The following ULK4 variants were observed in gnomAD, a reference collection of about 807,000 sequenced individuals.
ULK4 encodes the protein inactive serine/threonine-protein kinase ULK4.
A neutral mutation model predicts 160.6 loss-of-function variants in ULK4; 133 were observed. That is an observed-to-expected ratio of 0.83 (90% CI 0.72 to 0.96). The LOEUF (loss-of-function observed/expected upper bound fraction) is 0.96. ULK4 is among the 40% of genes least tolerant of loss of function. The pLI is 0.00. For missense variants in ULK4, 1,580 were observed against 1,499.5 expected, an observed-to-expected ratio of 1.05 and a Z score of -0.89; for synonymous variants, 534 against 539.8, an observed-to-expected ratio of 0.99 and a Z score of 0.15.
Position 41,608,006 on chromosome 3 carries a change from A to G in ULK4, c.3120+7663T>C, listed in dbSNP as rs372505556. ...GAGACCACCACATGCTATGTTAGAC[A>G]TTTCTGTGTTGTTTAAACCCTTTAC... On this transcript the variant is annotated intron_variant, in intron 31 of 36. Coordinates refer to ENST00000301831, the MANE Select transcript of ULK4 (RefSeq NM_017886.4). 8.5e-5 allele frequency among the ~76,000 whole-genome samples: 13 copies of G among 152,318 alleles called. No individual in the cohort carries two copies. In the East Asian group the frequency reaches 2.3e-3, roughly 27 times the overall value.
intron 25 of ULK4, among the ~76,000 whole-genome samples, chr3:41,707,220 C>T (rs2036933517): frequency 6.6e-6 from 1 of 151,934 alleles, no homozygotes; most frequent in African/African-American, 2.4e-5. Flanking sequence ...AGAAGAGTAA[C>T]CATTAAAATG....
chr3:41,825,966 A>G (rs576785331), intron 18 of ULK4, among the ~76,000 whole-genome samples: 1 of 152,344 alleles, frequency 6.6e-6, no homozygotes, highest in African/African-American at 2.4e-5. Context: ...ATCTCTTCGC[A>G]AAAACTCTAC....
At chr3:41,782,881 A>G (rs114167131) in intron 21 of ULK4, among the ~76,000 whole-genome samples, 1,548 of 152,330 alleles carry the variant, frequency 0.01, 17 homozygotes, top group Middle Eastern at 0.02. Flanking sequence ...ATGAATTGCA[A>G]TACCTTTAAA....
rs888151866 is a variant in ULK4, at chr3:41,524,222, G to T, written c.3226+41803C>A. Among the ~76,000 whole-genome samples, 3 of 152,224 alleles carry T rather than the reference G, an allele frequency of 2.0e-5. No individual in the cohort carries two copies. In the South Asian group the frequency reaches 6.2e-4, roughly 32 times the overall value. On this transcript the variant is annotated intron_variant, in intron 32 of 36. Transcript: ENST00000301831. ...TGTCATGAATACACTAAAAACCACT[G>T]AATTATACACTCTAAATGGGTGAAC...
At chr3:41,481,528 A>T (rs1157258574) in intron 32 of ULK4, among the ~76,000 whole-genome samples, 1 of 152,220 alleles carries the variant, frequency 6.6e-6, no homozygotes, top group Admixed American at 6.5e-5. Flanking sequence ...CCACTGTCTT[A>T]AGAACAAAAG....
intron 19 of ULK4, among the ~76,000 whole-genome samples, chr3:41,810,592 A>T (rs1458321522): frequency 1.3e-5 from 2 of 152,184 alleles, no homozygotes; most frequent in African/African-American, 2.4e-5. Context: ...AAGCAGGAGG[A>T]TCGCTTGAGC....
intron 21 of ULK4, among the ~76,000 whole-genome samples, chr3:41,767,462 T>C (rs554927974): frequency 4.6e-5 from 7 of 152,228 alleles, no homozygotes; most frequent in Non-Finnish European, 8.8e-5. Context: ...CTAAGTTCAA[T>C]TAATCTGAAT....
At chr3:41,761,502 G>A (rs1241049585) in intron 21 of ULK4, among the ~76,000 whole-genome samples, 1 of 151,278 alleles carries the variant, frequency 6.6e-6, no homozygotes, top group Non-Finnish European at 1.5e-5. Flanking sequence ...CCTTTCTAAT[G>A]TGAAAACTAT....
intron 3 of ULK4, 108 bp from the exon 4 acceptor site, chr3:41,936,048 T>C: frequency 1.4e-6 from 2 of 1,402,402 alleles, no homozygotes; most frequent in Non-Finnish European, 1.9e-6. Context: ...ATCAAGACAG[T>C]AAACGCTGAC....
intron 21 of ULK4, among the ~76,000 whole-genome samples, chr3:41,771,425 A>T (rs571851112): frequency 6.6e-6 from 1 of 152,208 alleles, no homozygotes; most frequent in South Asian, 2.1e-4. Context: ...TAGAATTACA[A>T]ATGATGGCAA....
intron 32 of ULK4, among the ~76,000 whole-genome samples, chr3:41,473,724 GAAAA>G (rs1011306506): frequency 7.1e-6 from 1 of 141,328 alleles, no homozygotes. Flanking sequence ...CAAACTTTCT[GAAAA>G]AAAAGTCATT....
intron 27 of ULK4, among the ~76,000 whole-genome samples, chr3:41,703,181 A>C (rs2036743102): frequency 6.6e-6 from 1 of 152,102 alleles, no homozygotes; most frequent in Admixed American, 6.6e-5. Context: ...AAGATAACTA[A>C]TAAATTACTT....
chr3:41,890,635 C>T lies in ULK4; in HGVS notation c.1577+4883G>A, dbSNP rs1478985836. Among the ~76,000 whole-genome samples the T allele has an allele frequency of 4.0e-5, 6 of 148,902 alleles. No homozygotes were observed. The East Asian group carries it at 6.0e-4, about 15-fold the overall frequency. On this transcript the variant is annotated intron_variant, in intron 16 of 36. Transcript: ENST00000301831. ...TGGAGGTTGCAGTGAGCCAAGATCG[C>T]GCCACTGCACTCCAGCCTGGGCGAC...
At chr3:41,309,542 TA>T (rs1440137652) in intron 35 of ULK4, among the ~76,000 whole-genome samples, 1 of 152,054 alleles carries the variant, frequency 6.6e-6, no homozygotes, top group South Asian at 2.1e-4. Context: ...TGATTACCTA[TA>T]AAAAATGGCA....
At chr3:41,306,884 A>C (rs1416462580) in intron 35 of ULK4, among the ~76,000 whole-genome samples, 2 of 151,524 alleles carry the variant, frequency 1.3e-5, no homozygotes, top group African/African-American at 2.4e-5. Flanking sequence ...TGCTGTGTCC[A>C]CTCAGGGTTA....
In ULK4 at chr3:41,270,933, A is replaced by T. The variant is rs936847530; in HGVS notation, c.3679-21359T>A. On this transcript the variant is annotated intron_variant, in intron 35 of 36. Coordinates refer to ENST00000301831, the MANE Select transcript of ULK4 (RefSeq NM_017886.4). Reference sequence around the variant, plus strand: ...ATCTTTCTAAACTATTTCTTTAAAGATATACTATTTATATTGACATTGTTT... The same window carrying T: ...ATCTTTCTAAACTATTTCTTTAAAGTTATACTATTTATATTGACATTGTTT... Among the ~76,000 whole-genome samples, 3 of 152,156 alleles carry T rather than the reference A, an allele frequency of 2.0e-5. No individual in the cohort carries two copies. The East Asian group carries it at 5.8e-4, about 29-fold the overall frequency.
intron 32 of ULK4, among the ~76,000 whole-genome samples, chr3:41,548,619 A>C (rs1228703916): frequency 6.6e-6 from 1 of 152,060 alleles, no homozygotes; most frequent in Non-Finnish European, 1.5e-5. Flanking sequence ...CCACAATGCC[A>C]TTGCAGATGC....
intron 35 of ULK4, among the ~76,000 whole-genome samples, chr3:41,285,698 A>C (rs2079443879): frequency 6.6e-6 from 1 of 152,196 alleles, no homozygotes; most frequent in African/African-American, 2.4e-5. Context: ...ATAACTTACT[A>C]ATGTAACTAA....
In ULK4 at chr3:41,888,024, A is replaced by T. The variant is rs577864605; in HGVS notation, c.1578-4072T>A. Among the ~76,000 whole-genome samples the T allele has an allele frequency of 2.0e-5, 3 of 152,158 alleles. No homozygotes were observed. In the East Asian group the frequency reaches 5.8e-4, roughly 29 times the overall value. The stretch of plus-strand genomic sequence containing the variant: ...CAAAAAGAAAAAAAAAAATGTTTTT[A>T]ATTTAGCCAGGCATGGTAACATGCA... On this transcript the variant is annotated intron_variant, in intron 16 of 36. Coordinates refer to ENST00000301831, the MANE Select transcript of ULK4 (RefSeq NM_017886.4).
Sources: gnomAD v4.1 joint callset for allele counts (sites outside exome capture counted in the v4.1 genomes callset) on GRCh38, gnomAD v4.1.1 for gene constraint, MANE v1.5 for transcripts, NCBI Gene and HGNC (gene_info 2026-07-23, HGNC 2026-07-21) for gene names.